The following SGK2 variants were observed in gnomAD, a reference collection of about 807,000 sequenced individuals.
SGK2 encodes the protein serine/threonine-protein kinase Sgk2.
In SGK2, 36 loss-of-function variants were observed where a neutral mutation model predicts 47.5. The ratio of observed to expected loss-of-function variants is 0.76; its 90% CI spans 0.58 to 1.00. The LOEUF (loss-of-function observed/expected upper bound fraction) is 1.00, where lower values mean the gene tolerates loss of function less well. SGK2 is among the 50% of genes least tolerant of loss of function. SGK2 has a pLI of 0.00. For synonymous variants in SGK2, 157 were observed against 181.9 expected (o/e 0.86, Z 1.10); for missense variants, 404 against 467.4 (o/e 0.86, Z 1.25).
intron 12 of SGK2, among the ~76,000 whole-genome samples, chr20:43,581,748 C>T (rs972455495): frequency 9.9e-5 from 15 of 152,050 alleles, no homozygotes; most frequent in South Asian, 2.1e-4. Flanking sequence ...AGGCTGGTCT[C>T]GAACTCCTGG....
chr20:43,562,272 G>A (rs1979434605), intron 1 of SGK2, among the ~76,000 whole-genome samples: 1 of 151,536 alleles, frequency 6.6e-6, no homozygotes, highest in Non-Finnish European at 1.5e-5. Flanking sequence ...AAAAAAATTA[G>A]CCAAGCCTGG....
intron 5 of SGK2, among the ~76,000 whole-genome samples, chr20:43,568,619 C>G (rs1979893716): frequency 1.3e-5 from 2 of 152,134 alleles, no homozygotes; most frequent in Admixed American, 6.5e-5. Context: ...GTAGCTGAGA[C>G]TAAAGGCACC....
At chr20:43,559,849 G>T (rs1172118164) in intron 1 of SGK2, among the ~76,000 whole-genome samples, 1 of 152,214 alleles carries the variant, frequency 6.6e-6, no homozygotes, top group East Asian at 1.9e-4. Flanking sequence ...CCAGGGAGCT[G>T]TAAGCAGGTC....
intron 12 of SGK2, chr20:43,583,173 G>A (rs1192432070): frequency 1.6e-5 from 20 of 1,284,866 alleles, no homozygotes; most frequent in Non-Finnish European, 1.7e-5. Flanking sequence ...TTGGGCACTG[G>A]ATCAGATAGG....
chr20:43,570,029 C>T (rs1335572622), intron 6 of SGK2, among the ~76,000 whole-genome samples: 1 of 152,166 alleles, frequency 6.6e-6, no homozygotes, highest in Non-Finnish European at 1.5e-5. Flanking sequence ...ATTTAACCTG[C>T]GTGATCTCTT....
At chr20:43,575,412 C>T (rs967181189) in intron 10 of SGK2, among the ~76,000 whole-genome samples, 10 of 148,902 alleles carry the variant, frequency 6.7e-5, no homozygotes, top group Admixed American at 4.1e-4. Flanking sequence ...TGCAGTGAAC[C>T]GCGGTCGCAC....
chr20:43,579,205 C>T (rs1001642220), intron 11 of SGK2, among the ~76,000 whole-genome samples: 16 of 152,094 alleles, frequency 1.1e-4, no homozygotes, highest in South Asian at 8.3e-4. Context: ...TTTGTAGAGA[C>T]GAGGTCAACC....
intron 11 of SGK2, 73 bp from the exon 12 acceptor site, chr20:43,579,899 T>C: frequency 1.1e-6 from 1 of 892,288 alleles, no homozygotes; most frequent in Non-Finnish European, 1.9e-6. Flanking sequence ...CTCTGGAGGA[T>C]GTGGGGGTGA....
chr20:43,559,973 A>G (rs1159408801), intron 1 of SGK2, among the ~76,000 whole-genome samples: 2 of 152,128 alleles, frequency 1.3e-5, no homozygotes, highest in Non-Finnish European at 2.9e-5. Flanking sequence ...CTGAAGAGTT[A>G]GGAGAATATA....
At chr20:43,569,736 C>T (rs1190850986) in intron 6 of SGK2, 2 of 540,008 alleles carry the variant, frequency 3.7e-6, no homozygotes, top group African/African-American at 3.8e-5. Flanking sequence ...GTCTGTTAGA[C>T]TCCCCACCAT....
At chr20:43,567,183 G>A in intron 3 of SGK2, 66 bp downstream of exon 3, 1 of 1,344,026 alleles carries the variant, frequency 7.4e-7, no homozygotes, top group Non-Finnish European at 1.1e-6. Flanking sequence ...CCCTTGCCTT[G>A]GGAATAAAAT....
chr20:43,572,018 C>T lies in SGK2; in HGVS notation c.511-33C>T, dbSNP rs942437626. 3 of 1,508,920 alleles carry T rather than the reference C, an allele frequency of 2.0e-6. No homozygotes were observed. The highest frequency in any genetic ancestry group is 2.7e-6 in the Non-Finnish European group (3 of 1,110,554). The allele number at this position is 1,508,920 out of a possible 1,614,324, so 93.5% of individuals were successfully genotyped here. A position where few individuals can be genotyped will look rare whatever the true frequency, so the allele number is the denominator to read the frequency against. ...GCCTGGCCATACCCTTGGCTCATAC[C>T]ACCCTCCAGCCCATGCCCTCCGTCA... On this transcript the variant is annotated intron_variant, in intron 8 of 12. Transcript: ENST00000373100. The surrounding 1 kb of genome is among the most constrained non-coding windows in gnomAD (Gnocchi z 4.2).
At position 43,561,146 on chromosome 20, in the gene SGK2, A is replaced by G. The variant is rs1027049921; in HGVS notation, c.-24+1987A>G. 3.3e-5 allele frequency among the ~76,000 whole-genome samples: 5 copies of G among 152,178 alleles called. No individual in the cohort carries two copies. The South Asian group carries it at 1.0e-3, about 31-fold the overall frequency. On this transcript the variant is annotated intron_variant, in intron 1 of 12. Coordinates refer to ENST00000373100, the MANE Select transcript of SGK2 (RefSeq NM_170693.3). ...CTCTCCAAGAGGTGACTTTAAGCAGAAGCCTCTATGACGTTAGTGGAAAAC... is the reference window on the plus strand; with the variant it reads ...CTCTCCAAGAGGTGACTTTAAGCAGGAGCCTCTATGACGTTAGTGGAAAAC...
chr20:43,566,241 A>C (rs1435687507), intron 1 of SGK2: 1 of 1,195,686 alleles, frequency 8.4e-7, no homozygotes, highest in Admixed American at 2.2e-5. Flanking sequence ...CCACACCCTG[A>C]CCATCCCCCT....
intron 1 of SGK2, among the ~76,000 whole-genome samples, chr20:43,562,655 C>A (rs139652631): frequency 0.012 from 1,769 of 152,078 alleles, 18 homozygotes; most frequent in South Asian, 0.035. Context: ...GCAGGAGAAT[C>A]GCTTGAACCA....
intron 6 of SGK2, among the ~76,000 whole-genome samples, chr20:43,570,348 A>G (rs924613645): frequency 6.6e-6 from 1 of 152,190 alleles, no homozygotes; most frequent in Non-Finnish European, 1.5e-5. Flanking sequence ...GGTTGTCATG[A>G]GGATTAAATA....
Position 43,576,218 on chromosome 20 carries a change from C to G in SGK2, c.694-6C>G. The stretch of plus-strand genomic sequence containing the variant: ...GATCCTCCAGCTGTTCTCCCTCTCT[C>G]CCCAGCCGCCCTTCTACAGCCAAGA... On this transcript the variant is annotated splice_polypyrimidine_tract_variant and splice_region_variant and intron_variant, in intron 10 of 12. Coordinates refer to ENST00000373100, the MANE Select transcript of SGK2 (RefSeq NM_170693.3). 1.2e-6 allele frequency: 2 copies of G among 1,613,588 alleles called. No homozygotes were observed. Among genetic ancestry groups the G allele is most frequent in the Non-Finnish European group, 1.7e-6 (2 of 1,179,624 alleles).
At chr20:43,568,027 T>C (rs1192080847) in intron 5 of SGK2, 28 bp downstream of exon 5, 2 of 1,589,104 alleles carry the variant, frequency 1.3e-6, no homozygotes, top group East Asian at 4.5e-5. Flanking sequence ...CAGGCATTTC[T>C]TCTTCTGCTT....
At chr20:43,576,062 C>T (rs188523942) in intron 10 of SGK2, among the ~76,000 whole-genome samples, 162 bp from the exon 11 acceptor site, 51 of 152,252 alleles carry the variant, frequency 3.3e-4, no homozygotes, top group African/African-American at 1.0e-3. Context: ...CTCCATGTGC[C>T]GGAAGCCTGG....
Sources: allele counts gnomAD v4.1 joint callset (sites outside exome capture counted in the v4.1 genomes callset), GRCh38; gene constraint gnomAD v4.1.1; non-coding constraint Gnocchi (gnomAD v3.1); transcripts MANE v1.5; gene names NCBI Gene and HGNC (gene_info 2026-07-23, HGNC 2026-07-21).